CAST: variants seen among roughly 807,000 people sequenced by gnomAD.
CAST encodes calpastatin.
Under a neutral mutation model 119.6 loss-of-function variants are expected in CAST, and 76 were observed. The observed-to-expected ratio is 0.64, with a 90% CI of 0.53 to 0.77. CAST has a LOEUF of 0.77. Ranked by LOEUF, CAST falls within the 30% of genes least tolerant of loss-of-function variation. CAST has a pLI of 0.00. For synonymous variants in CAST, 319 were observed against 331.6 expected, an observed-to-expected ratio of 0.96 and a Z score of 0.41; for missense variants, 953 against 946.5, an observed-to-expected ratio of 1.01 and a Z score of -0.09.
the CAST span, among the ~76,000 whole-genome samples, chr5:96,118,686 T>C: frequency 6.6e-6 from 1 of 151,482 alleles, no homozygotes; most frequent in Non-Finnish European, 1.5e-5. Context: ...TGGTGCTCAG[T>C]TGACTTAAAG....
the CAST span, among the ~76,000 whole-genome samples, chr5:96,334,670 T>A: frequency 6.6e-6 from 1 of 152,152 alleles, no homozygotes; most frequent in Non-Finnish European, 1.5e-5. Flanking sequence ...AGTGACTATT[T>A]GCAGAATCCC....
chr5:95,961,456 C>T, the CAST span: 14 of 1,241,502 alleles, frequency 1.1e-5, no homozygotes, highest in Non-Finnish European at 1.4e-5. Context: ...CTGGCCGCTG[C>T]GGGCGCTGAC....
the CAST span, among the ~76,000 whole-genome samples, chr5:96,477,252 GAT>G: frequency 6.6e-6 from 1 of 150,948 alleles, no homozygotes; most frequent in Non-Finnish European, 1.5e-5. Flanking sequence ...TTCATCAGGC[GAT>G]ATATAGAAAG....
chr5:96,178,442 CTTTA>C, the CAST span, among the ~76,000 whole-genome samples: 3 of 152,018 alleles, frequency 2.0e-5, no homozygotes, highest in Non-Finnish European at 2.9e-5. Context: ...GTATTCACTT[CTTTA>C]TTTATTTTAA....
At chr5:96,662,175 G>C (rs1212959626), upstream of CAST, 8 of 419,070 alleles carry the variant, frequency 1.9e-5, no homozygotes, top group South Asian at 4.9e-5. Context: ...GGTGAGGACC[G>C]GGGCGGAGGG....
chr5:96,485,666 A>T, the CAST span, among the ~76,000 whole-genome samples: 1 of 152,162 alleles, frequency 6.6e-6, no homozygotes, highest in African/African-American at 2.4e-5. Flanking sequence ...GATATGGCAG[A>T]ATCTTCTTGG....
chr5:96,393,269 T>C, the CAST span: 1 of 1,613,980 alleles, frequency 6.2e-7, no homozygotes, highest in Non-Finnish European at 8.5e-7. Context: ...CAGCATGGCC[T>C]GGGAAGGGGC....
chr5:96,569,319 G>A (rs1016670403), intron 1 of CAST, among the ~76,000 whole-genome samples: 4 of 152,210 alleles, frequency 2.6e-5, no homozygotes, highest in Non-Finnish European at 5.9e-5. Context: ...CATTCATGAT[G>A]AAAAGTCAAA....
chr5:96,090,189 G>T, the CAST span, among the ~76,000 whole-genome samples: 2 of 152,152 alleles, frequency 1.3e-5, no homozygotes, highest in Non-Finnish European at 2.9e-5. Flanking sequence ...TGTTATGTTG[G>T]TGGGATACGG....
intron 1 of CAST, among the ~76,000 whole-genome samples, chr5:96,668,488 C>A (rs995231174): frequency 3.3e-5 from 5 of 152,142 alleles, no homozygotes; most frequent in South Asian, 4.1e-4. Flanking sequence ...TTCTAATTCA[C>A]CACAGTCAGA....
chr5:96,559,431 G>T (rs1414999987), intron 1 of CAST, among the ~76,000 whole-genome samples: 1 of 152,218 alleles, frequency 6.6e-6, no homozygotes, highest in Non-Finnish European at 1.5e-5. Context: ...CCTGTTTGCA[G>T]ATGACATGAT....
chr5:96,505,489 A>C, the CAST span, among the ~76,000 whole-genome samples: 1 of 152,198 alleles, frequency 6.6e-6, no homozygotes, highest in Non-Finnish European at 1.5e-5. Flanking sequence ...AAAAAAAATA[A>C]TAAAAATAAA....
the CAST span, among the ~76,000 whole-genome samples, chr5:96,490,418 C>T: frequency 1.3e-5 from 2 of 151,444 alleles, no homozygotes. Context: ...ATCCAAAATG[C>T]ATGTGAAATG....
chr5:96,556,931 A>T (rs572331649), intron 1 of CAST, among the ~76,000 whole-genome samples: 1 of 151,910 alleles, frequency 6.6e-6, no homozygotes, highest in Admixed American at 6.5e-5. Flanking sequence ...GTTGAAATGA[A>T]GGAAAAAATG....
the CAST span, among the ~76,000 whole-genome samples, chr5:96,355,663 T>C: frequency 6.6e-6 from 1 of 152,164 alleles, no homozygotes; most frequent in Non-Finnish European, 1.5e-5. Flanking sequence ...AAAGCATTGC[T>C]ATTTCTCCAC....
the CAST span, among the ~76,000 whole-genome samples, chr5:96,236,539 T>A: frequency 6.6e-6 from 1 of 152,174 alleles, no homozygotes; most frequent in Non-Finnish European, 1.5e-5. Context: ...GGCACTTCCG[T>A]GAATCCCGCT....
At chr5:96,430,166 G>A in the CAST span, among the ~76,000 whole-genome samples, 1 of 152,168 alleles carries the variant, frequency 6.6e-6, no homozygotes, top group African/African-American at 2.4e-5. Context: ...TAGGGCAGTT[G>A]TCCCACTTTA....
chr5:96,199,288 T>G, the CAST span, among the ~76,000 whole-genome samples: 1 of 152,134 alleles, frequency 6.6e-6, no homozygotes, highest in Non-Finnish European at 1.5e-5. Flanking sequence ...GCAGTCCTGT[T>G]CTTGGGCCAA....
At position 96,772,793 on chromosome 5, in the gene CAST, A is replaced by G. The variant is rs1471741131; in HGVS notation, c.*177A>G. ...ATTGGTTTGTTATTCTTTTCCAGAA[A>G]GAAAATGAATTTGACTGGTTCACCT... On this transcript the variant is annotated 3_prime_UTR_variant, in exon 32 of 32. Transcript: ENST00000675179. 3 of 152,836 alleles carry G rather than the reference A, an allele frequency of 2.0e-5. No individual in the cohort carries two copies. In the South Asian group the frequency reaches 6.2e-4, roughly 32 times the overall value. The allele number at this position is 152,836 out of a possible 1,614,324, so 9.5% of individuals were successfully genotyped here.
Sources: gnomAD v4.1 joint callset for allele counts (sites outside exome capture counted in the v4.1 genomes callset) on GRCh38, gnomAD v4.1.1 for gene constraint, MANE v1.5 for transcripts, NCBI Gene and HGNC (gene_info 2026-07-23, HGNC 2026-07-21) for gene names.